Variants in EYS observed in about 807,000 individuals in gnomAD.
The protein encoded by EYS is EGF-like photoreceptor maintenance factor.
A neutral mutation model predicts 282.1 loss-of-function variants in EYS; 250 were observed. That is an observed-to-expected ratio of 0.89 (90% CI 0.80 to 0.98). EYS has a LOEUF of 0.98. Ranked by LOEUF, EYS falls within the 50% of genes least tolerant of loss-of-function variation. EYS has a pLI of 0.00. For synonymous variants in EYS, 1,355 were observed against 1,282.9 expected (o/e 1.06, Z -1.20); for missense variants, 4,016 against 3,709.0 (o/e 1.08, Z -2.15).
At chr6:65,289,744 T>C (rs542394402) in intron 12 of EYS, among the ~76,000 whole-genome samples, 2 of 151,320 alleles carry the variant, frequency 1.3e-5, no homozygotes, top group African/African-American at 2.4e-5. Context: ...TGCCAAACTT[T>C]AGGAATTTTT....
intron 22 of EYS, among the ~76,000 whole-genome samples, chr6:64,651,783 T>C (rs1210989058): frequency 6.6e-6 from 1 of 152,214 alleles, no homozygotes; most frequent in Non-Finnish European, 1.5e-5. Context: ...TAGAACAAAA[T>C]GAATATGAAC....
At chr6:65,398,376 G>C (rs1284690010) in intron 7 of EYS, among the ~76,000 whole-genome samples, 1 of 151,886 alleles carries the variant, frequency 6.6e-6, no homozygotes, top group African/African-American at 2.4e-5. Flanking sequence ...ATTGGGGAAA[G>C]AACATCCTAT....
intron 1 of EYS, among the ~76,000 whole-genome samples, chr6:65,642,908 A>C (rs1341063430): frequency 6.6e-6 from 1 of 152,242 alleles, no homozygotes; most frequent in African/African-American, 2.4e-5. Flanking sequence ...AAAAATGTAG[A>C]TAGGAGGCAG....
At chr6:64,768,022 T>A (rs975641369) in intron 22 of EYS, among the ~76,000 whole-genome samples, 2 of 152,256 alleles carry the variant, frequency 1.3e-5, no homozygotes, top group Non-Finnish European at 2.9e-5. Flanking sequence ...GATTGGCATT[T>A]CTTGTATGAT....
intron 8 of EYS, among the ~76,000 whole-genome samples, chr6:65,382,264 T>A (rs936750610): frequency 9.4e-5 from 13 of 137,608 alleles, no homozygotes; most frequent in Non-Finnish European, 1.7e-4. Flanking sequence ...GTTTTATAAA[T>A]TTCTCTTTAA....
At chr6:64,293,019 C>A (rs918062626) in intron 30 of EYS, among the ~76,000 whole-genome samples, 9 of 151,878 alleles carry the variant, frequency 5.9e-5, no homozygotes, top group African/African-American at 1.2e-4. Context: ...GCTTTAGAAT[C>A]AGACTGTTAA....
chr6:64,282,461 C>A (rs1768342544), intron 30 of EYS, among the ~76,000 whole-genome samples: 1 of 152,106 alleles, frequency 6.6e-6, no homozygotes, highest in African/African-American at 2.4e-5. Context: ...GGTATTAGTT[C>A]TAATCTAACA....
chr6:65,394,881 C>T (rs1766215934), intron 7 of EYS, among the ~76,000 whole-genome samples: 1 of 152,156 alleles, frequency 6.6e-6, no homozygotes, highest in South Asian at 2.1e-4. Flanking sequence ...ATCTTTTCCT[C>T]ATGTCCCGTC....
chr6:64,094,675 C>T (rs191370352), intron 31 of EYS, among the ~76,000 whole-genome samples: 141 of 152,192 alleles, frequency 9.3e-4, no homozygotes, highest in African/African-American at 3.2e-3. Flanking sequence ...TGCTAGTGGT[C>T]TATCAATGTT....
intron 35 of EYS, among the ~76,000 whole-genome samples, chr6:63,880,177 A>C (rs937989531): frequency 7.9e-5 from 12 of 152,162 alleles, no homozygotes; most frequent in Admixed American, 6.5e-5. Flanking sequence ...GGACATTAAC[A>C]TTTGAGTCAG....
intron 41 of EYS, among the ~76,000 whole-genome samples, chr6:63,760,817 G>T (rs926928181): frequency 6.6e-6 from 1 of 151,680 alleles, no homozygotes; most frequent in Admixed American, 6.6e-5. Flanking sequence ...AACTTTCACT[G>T]TCTGAGCCTT....
At chr6:64,735,706 G>T (rs182794836) in intron 22 of EYS, among the ~76,000 whole-genome samples, 260 of 152,168 alleles carry the variant, frequency 1.7e-3, no homozygotes, top group Admixed American at 4.9e-3. Flanking sequence ...ATTTACAATT[G>T]TTACAATTGA....
At chr6:63,850,337 A>G (rs555142293) in intron 36 of EYS, among the ~76,000 whole-genome samples, 1 of 152,318 alleles carries the variant, frequency 6.6e-6, no homozygotes, top group African/African-American at 2.4e-5. Context: ...CACCAATAAG[A>G]TAGTCATTGA....
chr6:65,095,363 C>T (rs77646321), intron 12 of EYS, among the ~76,000 whole-genome samples: 3,948 of 150,444 alleles, frequency 0.026, 183 homozygotes, highest in African/African-American at 0.092. Context: ...CAGTTAATAT[C>T]CATATATTGT....
chr6:65,534,656 C>G (rs973248919), intron 2 of EYS, among the ~76,000 whole-genome samples: 1 of 152,100 alleles, frequency 6.6e-6, no homozygotes. Context: ...CATAACCAAT[C>G]ACATTGGATG....
chr6:65,560,626 A>G (rs184665975), intron 2 of EYS, among the ~76,000 whole-genome samples: 1 of 151,962 alleles, frequency 6.6e-6, no homozygotes, highest in Admixed American at 6.6e-5. Context: ...CCAAAGGCAG[A>G]CATAATTCTG....
chr6:65,464,755 A>G (rs1017345015), intron 5 of EYS, among the ~76,000 whole-genome samples: 4 of 152,256 alleles, frequency 2.6e-5, no homozygotes, highest in Admixed American at 2.0e-4. Flanking sequence ...ATTGATTCAG[A>G]GCATAGAAGC....
At chr6:64,954,302 A>T (rs1282619855) in intron 14 of EYS, among the ~76,000 whole-genome samples, 1 of 152,086 alleles carries the variant, frequency 6.6e-6, no homozygotes, top group Non-Finnish European at 1.5e-5. Flanking sequence ...AAACTAGAAT[A>T]AAGAAGTTTA....
chr6:65,070,778 A>G (rs1773881112), intron 12 of EYS, among the ~76,000 whole-genome samples: 1 of 151,824 alleles, frequency 6.6e-6, no homozygotes, highest in Admixed American at 6.6e-5. Flanking sequence ...GTCTATGTTT[A>G]AGTTTACTGG....
Sources: gnomAD v4.1 joint callset for allele counts (sites outside exome capture counted in the v4.1 genomes callset) on GRCh38, gnomAD v4.1.1 for gene constraint, MANE v1.5 for transcripts, NCBI Gene and HGNC (gene_info 2026-07-23, HGNC 2026-07-21) for gene names.